The following TMEM178B variants were observed in gnomAD, a reference collection of about 807,000 sequenced individuals.
The protein encoded by TMEM178B is transmembrane protein 178B.
In TMEM178B, 5 loss-of-function variants were observed where a neutral mutation model predicts 31.0. That is an observed-to-expected ratio of 0.16 (90% CI 0.08 to 0.34). The LOEUF is 0.34. Among genes scored for constraint, TMEM178B ranks in the 10% least tolerant of loss-of-function variants. TMEM178B has a pLI of 1.00. For missense variants in TMEM178B, 275 were observed against 400.3 expected, an observed-to-expected ratio of 0.69 and a Z score of 2.67; for synonymous variants, 164 against 164.0, an observed-to-expected ratio of 1.00 and a Z score of 0.00.
At chr7:141,092,723 A>C (rs979966253) in intron 1 of TMEM178B, among the ~76,000 whole-genome samples, 5 of 152,178 alleles carry the variant, frequency 3.3e-5, no homozygotes, top group Admixed American at 2.0e-4. Context: ...ATAATACATT[A>C]GATAAAGCTT....
At chr7:141,324,424 T>TG (rs1288224859) in intron 2 of TMEM178B, among the ~76,000 whole-genome samples, 2 of 49,392 alleles carry the variant, frequency 4.0e-5, no homozygotes. Flanking sequence ...GGGTTTTTTT[T>TG]TTTTTTTTTT....
At chr7:141,172,030 C>G (rs1274796803) in intron 1 of TMEM178B, among the ~76,000 whole-genome samples, 1 of 152,166 alleles carries the variant, frequency 6.6e-6, no homozygotes, top group African/African-American at 2.4e-5. Context: ...GTGCTTGATA[C>G]ATGGTTTCTG....
intron 2 of TMEM178B, among the ~76,000 whole-genome samples, chr7:141,367,099 G>A (rs1800022064): frequency 1.4e-5 from 2 of 145,932 alleles, no homozygotes; most frequent in East Asian, 4.2e-4. Context: ...GGAGGGGTGG[G>A]GGGGGCAGGG....
At chr7:141,155,622 T>C (rs563977314) in intron 1 of TMEM178B, among the ~76,000 whole-genome samples, 27 of 152,308 alleles carry the variant, frequency 1.8e-4, no homozygotes, top group Non-Finnish European at 8.8e-5. Flanking sequence ...TCAGCCATCC[T>C]GGGGTCAGGC....
chr7:141,222,726 G>T (rs1471104527), intron 2 of TMEM178B, among the ~76,000 whole-genome samples: 1 of 152,216 alleles, frequency 6.6e-6, no homozygotes, highest in Non-Finnish European at 1.5e-5. Context: ...GTTTGTCTTG[G>T]TGAGTGTTGG....
intron 1 of TMEM178B, among the ~76,000 whole-genome samples, chr7:141,126,153 G>A (rs1795491784): frequency 6.8e-6 from 1 of 147,840 alleles, no homozygotes; most frequent in Non-Finnish European, 1.5e-5. Flanking sequence ...TTGGATTGGG[G>A]TGGAGGAAGA....
At chr7:141,199,733 A>C (rs757524942) in intron 1 of TMEM178B, among the ~76,000 whole-genome samples, 13 of 152,014 alleles carry the variant, frequency 8.6e-5, no homozygotes, top group Non-Finnish European at 1.3e-4. Context: ...CTACAGGTGC[A>C]GGCCACCATG....
intron 2 of TMEM178B, among the ~76,000 whole-genome samples, chr7:141,399,716 C>T (rs2116617237): frequency 6.6e-6 from 1 of 152,252 alleles, no homozygotes; most frequent in East Asian, 1.9e-4. Flanking sequence ...TTGTTTGCAC[C>T]TTAAACTACA....
At chr7:141,300,972 C>T (rs1034834571) in intron 2 of TMEM178B, among the ~76,000 whole-genome samples, 1 of 152,192 alleles carries the variant, frequency 6.6e-6, no homozygotes. Flanking sequence ...CTGAATAAGT[C>T]CCCTTCCCCC....
intron 1 of TMEM178B, among the ~76,000 whole-genome samples, chr7:141,187,498 A>T (rs1214475412): frequency 6.6e-6 from 1 of 152,062 alleles, no homozygotes; most frequent in Non-Finnish European, 1.5e-5. Context: ...CTAGTTCTAG[A>T]TCCCTGAGGA....
chr7:141,345,033 G>A (rs1799594917), intron 2 of TMEM178B, among the ~76,000 whole-genome samples: 1 of 152,160 alleles, frequency 6.6e-6, no homozygotes, highest in African/African-American at 2.4e-5. Context: ...GTCATAATTA[G>A]CATGTCGCAT....
downstream of TMEM178B, among the ~76,000 whole-genome samples, chr7:141,481,281 T>C (rs900736047): frequency 3.3e-5 from 5 of 152,158 alleles, no homozygotes; most frequent in Admixed American, 3.3e-4. Context: ...TTAGGGTCTT[T>C]TAATCTTCTC....
At position 141,180,640 on chromosome 7, in the gene TMEM178B, C is replaced by G. The variant is rs369413116; in HGVS notation, c.383-31951C>G. Among the ~76,000 whole-genome samples the G allele has an allele frequency of 2.0e-4, 30 of 152,240 alleles. No homozygotes were observed. The East Asian group carries it at 3.5e-3, about 18-fold the overall frequency. The stretch of plus-strand genomic sequence containing the variant: ...TGTTTCACTTGTAGACTTATTGTAT[C>G]ACATAATTGGGAATATCCAAATTAA... On this transcript the variant is annotated intron_variant, in intron 1 of 3. Transcript: ENST00000565468.
chr7:141,365,663 C>T (rs1490000208), intron 2 of TMEM178B, among the ~76,000 whole-genome samples: 1 of 152,252 alleles, frequency 6.6e-6, no homozygotes, highest in Non-Finnish European at 1.5e-5. Context: ...TCTTCCATCA[C>T]ATGGCTGTCT....
chr7:141,098,834 A>G (rs1222045185), intron 1 of TMEM178B, among the ~76,000 whole-genome samples: 1 of 152,216 alleles, frequency 6.6e-6, no homozygotes, highest in African/African-American at 2.4e-5. Flanking sequence ...GAAGTGCTGT[A>G]TGTGCAAGTG....
At chr7:141,193,889 CG>C (rs1563113544) in intron 1 of TMEM178B, among the ~76,000 whole-genome samples, 1 of 152,198 alleles carries the variant, frequency 6.6e-6, no homozygotes, top group African/African-American at 2.4e-5. Flanking sequence ...ATTGCCATTC[CG>C]GGCCTTGTAG....
rs528199194 is a variant in TMEM178B, at chr7:141,298,653, C to T, written c.496+85949C>T. 9.2e-5 allele frequency among the ~76,000 whole-genome samples: 14 copies of T among 152,300 alleles called. No individual in the cohort carries two copies. In the South Asian group the frequency reaches 2.9e-3, roughly 32 times the overall value. On this transcript the variant is annotated intron_variant, in intron 2 of 3. Transcript: ENST00000565468. ...GGATCAGAGTAGAGATTGGCCTGGA[C>T]TGGTCAGTACTATCTCAAGGATGTC...
At chr7:141,106,523 T>C (rs1261338155) in intron 1 of TMEM178B, among the ~76,000 whole-genome samples, 2 of 152,352 alleles carry the variant, frequency 1.3e-5, no homozygotes, top group East Asian at 1.9e-4. Flanking sequence ...CTCTTTGGAG[T>C]AGGTTGACGG....
chr7:141,248,886 CGAT>C (rs1293029327), intron 2 of TMEM178B, among the ~76,000 whole-genome samples: 2 of 152,172 alleles, frequency 1.3e-5, no homozygotes, highest in African/African-American at 4.8e-5. Flanking sequence ...TTAGCTTACT[CGAT>C]GACCACTGTC....
Sources: allele counts gnomAD v4.1 joint callset (sites outside exome capture counted in the v4.1 genomes callset), GRCh38; gene constraint gnomAD v4.1.1; transcripts MANE v1.5; gene names NCBI Gene and HGNC (gene_info 2026-07-23, HGNC 2026-07-21).